ARHGAP8: variants seen among roughly 807,000 people sequenced by gnomAD.
The protein encoded by ARHGAP8 is Rho GTPase activating protein 8.
ARHGAP8 carries 62 observed loss-of-function variants against 46.1 expected under a neutral mutation model. The ratio of observed to expected loss-of-function variants is 1.34; its 90% confidence interval spans 1.10 to 1.66. The LOEUF (loss-of-function observed/expected upper bound fraction) is 1.66, where lower values mean the gene tolerates loss of function less well. ARHGAP8 is among the 40% of genes most tolerant of loss of function. The probability of loss-of-function intolerance (pLI) is 0.00; values close to 1 mark genes in which losing one functional copy is unlikely to be tolerated. For missense variants in ARHGAP8, 923 were observed against 568.4 expected (o/e 1.62, Z -6.34); for synonymous variants, 375 against 243.1 (o/e 1.54, Z -5.05).
At chr22:44,829,685 T>G (rs1250665849) in intron 7 of ARHGAP8, among the ~76,000 whole-genome samples, 1 of 152,164 alleles carries the variant, frequency 6.6e-6, no homozygotes, top group Non-Finnish European at 1.5e-5. Context: ...CAATAAACAT[T>G]TTAAAGGAAG....
At chr22:44,757,169 G>GC (rs958197292) in intron 1 of ARHGAP8, among the ~76,000 whole-genome samples, 5 of 152,188 alleles carry the variant, frequency 3.3e-5, no homozygotes, top group Admixed American at 1.3e-4. Flanking sequence ...TCCCATCTTG[G>GC]CCCCCCAAAG....
At chr22:44,845,435 A>G (rs1049313927) in intron 8 of ARHGAP8, 93 bp downstream of exon 8, 51 of 1,554,580 alleles carry the variant, frequency 3.3e-5, no homozygotes, top group Non-Finnish European at 4.5e-5. Flanking sequence ...CCCACAAGCC[A>G]GGGGGTGTGA....
chr22:44,829,306 A>G lies in ARHGAP8; in HGVS notation c.596+3713A>G, dbSNP rs1157427427. ...ACTCCCTCTCAAAAAAGAAAAAAAA[A>G]AAAGAAAAAGAAAAAACAAGCATAG... On this transcript the variant is annotated intron_variant, in intron 7 of 11. Coordinates refer to ENST00000356099, the MANE Select transcript of ARHGAP8 (RefSeq NM_181335.3). 4.0e-5 allele frequency among the ~76,000 whole-genome samples: 6 copies of G among 151,774 alleles called. No individual in the cohort carries two copies. In the East Asian group the frequency reaches 5.8e-4, roughly 15 times the overall value.
intron 5 of ARHGAP8, 23 bp from the exon 6 acceptor site, chr22:44,822,348 T>C: frequency 6.4e-7 from 1 of 1,574,356 alleles, no homozygotes; most frequent in Non-Finnish European, 8.6e-7. Flanking sequence ...TCGTTCTTTA[T>C]TCTCTTGCTT....
chr22:44,861,488 A>C lies in ARHGAP8; in HGVS notation c.982-787A>C, dbSNP rs376288456. Among the ~76,000 whole-genome samples, 217 of 152,188 alleles carry C rather than the reference A, an allele frequency of 1.4e-3. 1 individual carries two copies. The highest frequency in any genetic ancestry group is 5.1e-3 in the African/African-American group (210 of 41,516). On this transcript the variant is annotated intron_variant, in intron 11 of 11. Transcript: ENST00000356099. ...GGCAGCCAGGGGGAGCCTGAAAGGC[A>C]TCCAGCCATCTCACCTGAGCATCCT...
chr22:44,808,613 T>A, intron 4 of ARHGAP8, 175 bp downstream of exon 4: 1 of 1,246,008 alleles, frequency 8.0e-7, no homozygotes, highest in Non-Finnish European at 1.1e-6. Flanking sequence ...GGCCAAGCTC[T>A]GGAATCCCGG....
At chr22:44,830,861 C>T (rs1020516113) in intron 7 of ARHGAP8, among the ~76,000 whole-genome samples, 1 of 152,128 alleles carries the variant, frequency 6.6e-6, no homozygotes, top group African/African-American at 2.4e-5. Flanking sequence ...TTATCGTAGC[C>T]ATCCTAGTAG....
chr22:44,852,860 T>C (rs888220670), intron 10 of ARHGAP8, among the ~76,000 whole-genome samples: 6 of 152,220 alleles, frequency 3.9e-5, no homozygotes, highest in African/African-American at 1.4e-4. Flanking sequence ...TGGAGTGCAG[T>C]GGCACGATCT....
At chr22:44,797,111 G>GC (rs1928146451) in intron 2 of ARHGAP8, among the ~76,000 whole-genome samples, 1 of 151,848 alleles carries the variant, frequency 6.6e-6, no homozygotes, top group South Asian at 2.1e-4. Context: ...TATACAGTGG[G>GC]CCCCCAACAA....
rs1360407142 is a variant in ARHGAP8 at position 44,822,487 on chromosome 22, C to G, written c.485+18C>G. On this transcript the variant is annotated intron_variant, in intron 6 of 11. Transcript: ENST00000356099. ...GTTTTGCGGTAAGTGCCTGTTAGAC[C>G]CCAGAAGCCGCATCAATACATCTTC... 1 of 1,522,514 alleles carries G rather than the reference C, an allele frequency of 6.6e-7. No homozygotes were observed. Among genetic ancestry groups the G allele is most frequent in the Admixed American group, 2.5e-5 (1 of 39,614 alleles). The allele number at this position is 1,522,514 out of a possible 1,614,324, so 94.3% of individuals were successfully genotyped here.
rs889237285 is a variant in ARHGAP8, at chr22:44,825,747, C to T, written c.596+154C>T. Reference sequence around the variant, plus strand: ...TAAAGCCTGAGCTCATCACTGAGGCCGTGGCTCGCTGCTCAGTGCCTGGTT... The same window carrying T: ...TAAAGCCTGAGCTCATCACTGAGGCTGTGGCTCGCTGCTCAGTGCCTGGTT... On this transcript the variant is annotated intron_variant, in intron 7 of 11. Coordinates refer to ENST00000356099, the MANE Select transcript of ARHGAP8 (RefSeq NM_181335.3). 2.2e-4 allele frequency among the ~76,000 whole-genome samples: 34 copies of T among 151,392 alleles called. No homozygotes were observed. In the East Asian group the frequency reaches 5.9e-3, roughly 26 times the overall value.
At chr22:44,814,604 G>A (rs1228287500) in intron 4 of ARHGAP8, 68 bp from the exon 5 acceptor site, 7 of 1,405,904 alleles carry the variant, frequency 5.0e-6, no homozygotes, top group Non-Finnish European at 6.9e-6. Context: ...AGCTGTTTCA[G>A]GGTTATTGGG....
At chr22:44,841,068 T>C (rs1396181317) in intron 7 of ARHGAP8, among the ~76,000 whole-genome samples, 1 of 152,150 alleles carries the variant, frequency 6.6e-6, no homozygotes, top group Admixed American at 6.5e-5. Flanking sequence ...TTACATTTAT[T>C]GGCCCCATAG....
At chr22:44,856,063 C>A (rs760683359) in intron 10 of ARHGAP8, among the ~76,000 whole-genome samples, 6 of 152,004 alleles carry the variant, frequency 3.9e-5, no homozygotes, top group Admixed American at 6.6e-5. Context: ...AGAAATCACT[C>A]ACTCTCATGA....
chr22:44,839,913 C>A (rs547656257), intron 7 of ARHGAP8, among the ~76,000 whole-genome samples: 2 of 152,218 alleles, frequency 1.3e-5, no homozygotes, highest in Non-Finnish European at 2.9e-5. Context: ...GCAGAGGGCA[C>A]GTGGTGGTGT....
rs185001298 is a variant in ARHGAP8, at chr22:44,761,198, C to T, written c.-72+8571C>T. 2.7e-4 allele frequency among the ~76,000 whole-genome samples: 41 copies of T among 152,268 alleles called. No homozygotes were observed. In the East Asian group the frequency reaches 6.4e-3, roughly 24 times the overall value. On this transcript the variant is annotated intron_variant, in intron 1 of 11. Transcript: ENST00000356099. ...CATGTTAACATTAGCAAAAGGATCA[C>T]GGAAATAAGTGCCATCAGCCCTCCG...
chr22:44,799,119 C>T (rs1461082564), intron 2 of ARHGAP8, among the ~76,000 whole-genome samples: 3 of 152,246 alleles, frequency 2.0e-5, no homozygotes, highest in African/African-American at 7.2e-5. Context: ...TCACAGAAGC[C>T]AGGGCCTGGG....
chr22:44,806,639 G>T (rs1001973405), intron 3 of ARHGAP8, among the ~76,000 whole-genome samples: 3 of 152,046 alleles, frequency 2.0e-5, no homozygotes, highest in African/African-American at 7.2e-5. Flanking sequence ...TTTGTCAGAG[G>T]GCACTCTGAC....
chr22:44,858,569 C>T (rs1344543625), intron 10 of ARHGAP8, among the ~76,000 whole-genome samples: 1 of 103,142 alleles, frequency 9.7e-6, no homozygotes. Flanking sequence ...AGGGTTTCAC[C>T]ATGTTGGGTC....
Sources: gnomAD v4.1 joint callset for allele counts (sites outside exome capture counted in the v4.1 genomes callset) on GRCh38, gnomAD v4.1.1 for gene constraint, MANE v1.5 for transcripts, NCBI Gene and HGNC (gene_info 2026-07-23, HGNC 2026-07-21) for gene names.